The following PRKACB variants were observed in gnomAD, a reference collection of about 807,000 sequenced individuals.
The protein encoded by PRKACB is cAMP-dependent protein kinase catalytic subunit beta.
PRKACB carries 16 observed loss-of-function variants against 51.4 expected under a neutral mutation model. The observed-to-expected ratio is 0.31, with a 90% CI of 0.21 to 0.47. The LOEUF is 0.47. Among genes scored for constraint, PRKACB ranks in the 20% least tolerant of loss-of-function variants. The pLI, the probability that PRKACB is intolerant of heterozygous loss-of-function variation, is 1.00. For missense variants in PRKACB, 309 were observed against 464.5 expected, an observed-to-expected ratio of 0.67 and a Z score of 3.08; for synonymous variants, 147 against 154.4, an observed-to-expected ratio of 0.95 and a Z score of 0.35.
In PRKACB at chr1:84,175,616, C is replaced by A. The variant is rs1329847289; in HGVS notation, c.188-3561C>A. Among the ~76,000 whole-genome samples the A allele has an allele frequency of 4.0e-5, 6 of 151,800 alleles. No individual in the cohort carries two copies. In the East Asian group the frequency reaches 1.2e-3, roughly 29 times the overall value. ...CAGTTTTCCTAATGTTTAAAATAAA[C>A]TTTAAAATCTGATTTTTAAACTATG... On this transcript the variant is annotated intron_variant, in intron 1 of 9. Transcript: ENST00000370685.
chr1:84,172,260 C>T (rs1659755038), intron 1 of PRKACB, among the ~76,000 whole-genome samples: 1 of 151,638 alleles, frequency 6.6e-6, no homozygotes, highest in African/African-American at 2.4e-5. Flanking sequence ...TATTTGAATT[C>T]AGGCCTTTCT....
chr1:84,163,576 G>A (rs1045554314), intron 1 of PRKACB, among the ~76,000 whole-genome samples: 1 of 151,940 alleles, frequency 6.6e-6, no homozygotes. Context: ...GTACTCTCCT[G>A]ACTGAGCTAT....
At chr1:84,138,495 C>G (rs966963344) in intron 1 of PRKACB, among the ~76,000 whole-genome samples, 1 of 152,084 alleles carries the variant, frequency 6.6e-6, no homozygotes, top group African/African-American at 2.4e-5. Flanking sequence ...CAGTAATACT[C>G]TGTTTATTGA....
At chr1:84,154,908 G>A (rs1035376209) in intron 1 of PRKACB, among the ~76,000 whole-genome samples, 3 of 152,084 alleles carry the variant, frequency 2.0e-5, no homozygotes, top group Non-Finnish European at 2.9e-5. Flanking sequence ...CATAGGATAA[G>A]CCCTCAGCTA....
chr1:84,130,189 C>CAAAAAAAAA (rs71097833), intron 1 of PRKACB, among the ~76,000 whole-genome samples: 5 of 56,180 alleles, frequency 8.9e-5, no homozygotes, highest in African/African-American at 3.6e-4. Flanking sequence ...GACTCCGTCT[C>CAAAAAAAAA]AAAAAAAAAA....
chr1:84,083,588 T>C (rs941629173), intron 1 of PRKACB, among the ~76,000 whole-genome samples: 3 of 152,206 alleles, frequency 2.0e-5, no homozygotes, highest in African/African-American at 7.2e-5. Context: ...TGTCAGATAA[T>C]TAATAGTTGA....
intron 9 of PRKACB, among the ~76,000 whole-genome samples, chr1:84,227,214 G>A (rs778682576): frequency 6.6e-5 from 10 of 151,972 alleles, no homozygotes; most frequent in South Asian, 2.1e-4. Flanking sequence ...GGAACATAGA[G>A]TCATCTTATA....
chr1:84,203,649 T>A (rs1670770266), intron 8 of PRKACB, among the ~76,000 whole-genome samples: 1 of 151,942 alleles, frequency 6.6e-6, no homozygotes, highest in South Asian at 2.1e-4. Flanking sequence ...GAAGGGATAT[T>A]TTGCTTATTT....
At chr1:84,081,083 A>C (rs1374447731) in intron 1 of PRKACB, among the ~76,000 whole-genome samples, 1 of 152,220 alleles carries the variant, frequency 6.6e-6, no homozygotes, top group Non-Finnish European at 1.5e-5. Flanking sequence ...AAAATGTTTG[A>C]TTTGAAAAGT....
At chr1:84,180,460 T>C (rs1407233662) in intron 2 of PRKACB, among the ~76,000 whole-genome samples, 1 of 151,356 alleles carries the variant, frequency 6.6e-6, no homozygotes, top group East Asian at 1.9e-4. Context: ...ACTACAAATA[T>C]GGTGCAGTGT....
chr1:84,168,684 G>A (rs1658349374), intron 1 of PRKACB, among the ~76,000 whole-genome samples: 1 of 151,572 alleles, frequency 6.6e-6, no homozygotes, highest in Non-Finnish European at 1.5e-5. Flanking sequence ...CTAATTAACA[G>A]TTTTAACTTG....
chr1:84,136,755 A>G (rs1652866144), intron 1 of PRKACB, among the ~76,000 whole-genome samples: 1 of 152,204 alleles, frequency 6.6e-6, no homozygotes, highest in Non-Finnish European at 1.5e-5. Flanking sequence ...CTTCCTTCAT[A>G]ATTGCCAAAA....
At chr1:84,163,150 T>G (rs1379706550) in intron 1 of PRKACB, among the ~76,000 whole-genome samples, 1 of 152,106 alleles carries the variant, frequency 6.6e-6, no homozygotes, top group Non-Finnish European at 1.5e-5. Context: ...CAGCCAGTGC[T>G]GATGGAACTG....
At chr1:84,080,516 T>A (rs1647442819) in intron 1 of PRKACB, among the ~76,000 whole-genome samples, 1 of 152,122 alleles carries the variant, frequency 6.6e-6, no homozygotes, top group South Asian at 2.1e-4. Context: ...AAAAATAGCA[T>A]GTTATGTGTC....
At chr1:84,101,103 G>A (rs563874448) in intron 1 of PRKACB, among the ~76,000 whole-genome samples, 30 of 152,146 alleles carry the variant, frequency 2.0e-4, no homozygotes, top group African/African-American at 2.7e-4. Flanking sequence ...AGGATATATC[G>A]GAAGAGATAT....
At position 84,144,309 on chromosome 1, in the gene PRKACB, G is replaced by A; in HGVS notation, c.-53G>A. Reference sequence around the variant, plus strand: ...TTAGCTTCTGTGTAAGAAGTTGTGAGCTCCTTCTGGAAACATTTGCAGTTA... The same window carrying A: ...TTAGCTTCTGTGTAAGAAGTTGTGAACTCCTTCTGGAAACATTTGCAGTTA... On this transcript the variant is annotated 5_prime_UTR_variant, in exon 1 of 10. Coordinates refer to ENST00000370685, the MANE Select transcript of PRKACB (RefSeq NM_182948.4). The A allele has an allele frequency of 6.3e-7, 1 of 1,587,330 alleles. No homozygotes were observed.
Position 84,196,762 on chromosome 1 carries a change from T to C in PRKACB, c.687+20T>C, listed in dbSNP as rs564517673. On this transcript the variant is annotated intron_variant, in intron 6 of 9. Coordinates refer to ENST00000370685, the MANE Select transcript of PRKACB (RefSeq NM_182948.4). ...ATCCAGGTATGACTTTAACACATTA[T>C]GTGTACTGTATATGAGAAAATACTA... The C allele has an allele frequency of 1.2e-5, 20 of 1,607,424 alleles. No homozygotes were observed. The East Asian group carries it at 4.3e-4, about 34-fold the overall frequency.
intron 1 of PRKACB, among the ~76,000 whole-genome samples, chr1:84,104,565 TAA>T (rs1649587755): frequency 6.6e-6 from 1 of 152,156 alleles, no homozygotes; most frequent in African/African-American, 2.4e-5. Context: ...TACTGTTCCA[TAA>T]TGGCTGTACT....
At chr1:84,079,960 G>A (rs1439976428) in intron 1 of PRKACB, among the ~76,000 whole-genome samples, 5 of 151,976 alleles carry the variant, frequency 3.3e-5, no homozygotes, top group Non-Finnish European at 4.4e-5. Flanking sequence ...GCTACCGTGC[G>A]TGACCTATGT....
Sources: gnomAD v4.1 joint callset for allele counts (sites outside exome capture counted in the v4.1 genomes callset) on GRCh38, gnomAD v4.1.1 for gene constraint, MANE v1.5 for transcripts, NCBI Gene and HGNC (gene_info 2026-07-23, HGNC 2026-07-21) for gene names.